Variants in GPATCH2 observed in about 807,000 individuals in gnomAD.
GPATCH2 encodes the protein G-patch domain containing 2.
A neutral mutation model predicts 58.0 loss-of-function variants in GPATCH2; 51 were observed. That is an observed-to-expected ratio of 0.88 (90% CI 0.70 to 1.11). The LOEUF (loss-of-function observed/expected upper bound fraction) is 1.11, where lower values mean the gene tolerates loss of function less well. GPATCH2 is among the 50% of genes most tolerant of loss of function. GPATCH2 has a pLI of 0.00. For synonymous variants in GPATCH2, 222 were observed against 218.5 expected (o/e 1.02, Z -0.14); for missense variants, 625 against 652.2 (o/e 0.96, Z 0.45).
chr1:217,475,725 T>G (rs1660936785), intron 8 of GPATCH2, among the ~76,000 whole-genome samples: 2 of 151,536 alleles, frequency 1.3e-5, no homozygotes, highest in South Asian at 4.2e-4. Context: ...AGGAAAAAAA[T>G]TTTCAAACTG....
At chr1:217,477,466 C>T (rs1661017850) in intron 8 of GPATCH2, among the ~76,000 whole-genome samples, 1 of 151,664 alleles carries the variant, frequency 6.6e-6, no homozygotes, top group Non-Finnish European at 1.5e-5. Flanking sequence ...CATTTTTGGA[C>T]CTGTCCTGGG....
intron 5 of GPATCH2, among the ~76,000 whole-genome samples, chr1:217,564,155 A>C (rs1666089447): frequency 6.6e-6 from 1 of 151,946 alleles, no homozygotes; most frequent in Admixed American, 6.6e-5. Context: ...GAGTTCAAAA[A>C]GTTTCTTTAA....
At chr1:217,480,695 G>A (rs1161287587) in intron 8 of GPATCH2, among the ~76,000 whole-genome samples, 1 of 152,186 alleles carries the variant, frequency 6.6e-6, no homozygotes, top group Non-Finnish European at 1.5e-5. Context: ...GCACTCCCAT[G>A]TTTGTTGCAG....
intron 5 of GPATCH2, among the ~76,000 whole-genome samples, chr1:217,540,654 T>G (rs1664693533): frequency 6.6e-6 from 1 of 152,334 alleles, no homozygotes; most frequent in South Asian, 2.1e-4. Flanking sequence ...ACCACTTTAG[T>G]GGTAAACAGG....
chr1:217,462,709 T>C (rs1207025157), intron 8 of GPATCH2, among the ~76,000 whole-genome samples: 2 of 152,324 alleles, frequency 1.3e-5, no homozygotes, highest in South Asian at 2.1e-4. Context: ...ATAAACATGA[T>C]GGGGAAATCT....
chr1:217,435,256 T>A (rs1447152988), intron 9 of GPATCH2, among the ~76,000 whole-genome samples: 1 of 152,226 alleles, frequency 6.6e-6, no homozygotes, highest in Non-Finnish European at 1.5e-5. Flanking sequence ...TACTAACCTT[T>A]CTGCCTGCTT....
intron 5 of GPATCH2, among the ~76,000 whole-genome samples, chr1:217,600,369 C>A (rs1019364645): frequency 6.6e-6 from 1 of 152,118 alleles, no homozygotes; most frequent in Non-Finnish European, 1.5e-5. Context: ...GTAAAGAAAA[C>A]TCCTATCTAG....
At chr1:217,510,984 G>A (rs1392109148) in intron 6 of GPATCH2, among the ~76,000 whole-genome samples, 1 of 152,112 alleles carries the variant, frequency 6.6e-6, no homozygotes, top group Non-Finnish European at 1.5e-5. Flanking sequence ...TGTAGTCCCA[G>A]TTACTCTGGA....
At chr1:217,533,706 G>T (rs949609907) in intron 5 of GPATCH2, among the ~76,000 whole-genome samples, 1 of 152,112 alleles carries the variant, frequency 6.6e-6, no homozygotes, top group Non-Finnish European at 1.5e-5. Flanking sequence ...TGATATTTAC[G>T]TTGGTATCTC....
intron 9 of GPATCH2, among the ~76,000 whole-genome samples, chr1:217,432,734 T>C (rs1482297777): frequency 2.6e-5 from 4 of 152,132 alleles, no homozygotes; most frequent in Non-Finnish European, 5.9e-5. Context: ...CAAACTAATA[T>C]TGCAGTCTTT....
At chr1:217,467,063 C>T (rs1406705990) in intron 8 of GPATCH2, among the ~76,000 whole-genome samples, 2 of 152,136 alleles carry the variant, frequency 1.3e-5, no homozygotes, top group Admixed American at 6.5e-5. Context: ...GTCCCAGCTA[C>T]TCAGGAGGCT....
chr1:217,539,295 A>G (rs780513928), intron 5 of GPATCH2, among the ~76,000 whole-genome samples: 31 of 152,210 alleles, frequency 2.0e-4, no homozygotes, highest in Non-Finnish European at 3.7e-4. Context: ...TAAAAGAAGG[A>G]TCATTAATTT....
chr1:217,433,577 G>A (rs1658657773), intron 9 of GPATCH2, among the ~76,000 whole-genome samples: 1 of 151,796 alleles, frequency 6.6e-6, no homozygotes, highest in Non-Finnish European at 1.5e-5. Context: ...GTACTTTTTA[G>A]TAGAGAAAGG....
At chr1:217,600,588 A>C (rs1243902012) in intron 5 of GPATCH2, among the ~76,000 whole-genome samples, 2 of 152,160 alleles carry the variant, frequency 1.3e-5, no homozygotes, top group Non-Finnish European at 2.9e-5. Flanking sequence ...ATTGTATCAG[A>C]AACATAAAAG....
chr1:217,474,963 T>C (rs1431977696), intron 8 of GPATCH2, among the ~76,000 whole-genome samples: 2 of 152,162 alleles, frequency 1.3e-5, no homozygotes, highest in Non-Finnish European at 2.9e-5. Flanking sequence ...AGGTGAATAA[T>C]TTTTATCTTG....
chr1:217,597,169 A>G (rs994423783), intron 5 of GPATCH2, among the ~76,000 whole-genome samples: 2 of 151,872 alleles, frequency 1.3e-5, no homozygotes, highest in Non-Finnish European at 2.9e-5. Flanking sequence ...CTACCAAAAA[A>G]AAAAAAATTA....
chr1:217,531,064 C>CAA lies in GPATCH2; in HGVS notation c.1099-16176_1099-16175insTT, dbSNP rs1174501038. 2.9e-5 allele frequency among the ~76,000 whole-genome samples: 3 copies of CAA among 104,290 alleles called. No individual in the cohort carries two copies. The East Asian group carries it at 1.4e-3, about 48-fold the overall frequency. The allele number at this position is 104,290 out of a possible 152,430, so 68.4% of individuals were successfully genotyped here. ...ACACAAACACACACACACACACACA[C>CAA]ACACACACTTTATTTAATTTTATAC... On this transcript the variant is annotated intron_variant, in intron 5 of 9. Transcript: ENST00000366935.
chr1:217,450,010 T>C (rs1025073654), intron 8 of GPATCH2, among the ~76,000 whole-genome samples: 5 of 152,146 alleles, frequency 3.3e-5, no homozygotes, highest in African/African-American at 1.2e-4. Flanking sequence ...CCAGTTACTA[T>C]ATAATTAGAT....
At chr1:217,549,848 A>C (rs1302255132) in intron 5 of GPATCH2, among the ~76,000 whole-genome samples, 1 of 152,266 alleles carries the variant, frequency 6.6e-6, no homozygotes, top group East Asian at 1.9e-4. Context: ...TAAGACTAAA[A>C]ATTTTCAGTG....
Sources: allele counts gnomAD v4.1 joint callset (sites outside exome capture counted in the v4.1 genomes callset), GRCh38; gene constraint gnomAD v4.1.1; transcripts MANE v1.5; gene names NCBI Gene and HGNC (gene_info 2026-07-23, HGNC 2026-07-21).